XYLT1: variants seen among roughly 807,000 people sequenced by gnomAD.
XYLT1 encodes the protein beta-D-xylosyltransferase 1.
In XYLT1, 36 loss-of-function variants were observed where a neutral mutation model predicts 91.3. The observed-to-expected ratio is 0.39, with a 90% CI of 0.30 to 0.52. XYLT1 has a LOEUF of 0.52. Ranked by LOEUF, XYLT1 falls within the 20% of genes least tolerant of loss-of-function variation. The pLI, the probability that XYLT1 is intolerant of heterozygous loss-of-function variation, is 0.68. For missense variants in XYLT1, 1,242 were observed against 1,284.5 expected, an observed-to-expected ratio of 0.97 and a Z score of 0.51; for synonymous variants, 588 against 532.0, an observed-to-expected ratio of 1.11 and a Z score of -1.45.
chr16:17,334,082 A>G (rs1192963196), intron 2 of XYLT1, among the ~76,000 whole-genome samples: 1 of 152,164 alleles, frequency 6.6e-6, no homozygotes, highest in Non-Finnish European at 1.5e-5. Flanking sequence ...TACAAATAAT[A>G]CAGTGACAAG....
chr16:17,248,022 T>C (rs1161473663), intron 3 of XYLT1, among the ~76,000 whole-genome samples: 1 of 152,182 alleles, frequency 6.6e-6, no homozygotes, highest in African/African-American at 2.4e-5. Flanking sequence ...CCTTTGGGGC[T>C]GATATAGTTT....
At chr16:17,324,814 T>C (rs2034774455) in intron 2 of XYLT1, among the ~76,000 whole-genome samples, 2 of 152,274 alleles carry the variant, frequency 1.3e-5, no homozygotes, top group African/African-American at 4.8e-5. Context: ...CGGAAAGACA[T>C]GCATCAAAGA....
intron 2 of XYLT1, among the ~76,000 whole-genome samples, chr16:17,332,599 CACACA>C (rs1232083216): frequency 5.3e-5 from 8 of 151,528 alleles, no homozygotes; most frequent in African/African-American, 1.9e-4. Context: ...CACACACACA[CACACA>C]CACACACGGC....
At chr16:17,367,003 G>C (rs1306636782) in intron 1 of XYLT1, among the ~76,000 whole-genome samples, 1 of 151,928 alleles carries the variant, frequency 6.6e-6, no homozygotes, top group South Asian at 2.1e-4. Flanking sequence ...CCTCATACTA[G>C]ATGTTCTCAT....
chr16:17,162,017 A>G (rs973261228), intron 5 of XYLT1, among the ~76,000 whole-genome samples: 1 of 152,222 alleles, frequency 6.6e-6, no homozygotes, highest in African/African-American at 2.4e-5. Flanking sequence ...TAATCTCCCA[A>G]GTCCCAGCCA....
At chr16:17,324,883 T>G (rs1461195514) in intron 2 of XYLT1, among the ~76,000 whole-genome samples, 1 of 152,212 alleles carries the variant, frequency 6.6e-6, no homozygotes. Flanking sequence ...AGCTTTGTTA[T>G]AAAATACTCA....
chr16:17,425,074 G>A (rs1345055711), intron 1 of XYLT1, among the ~76,000 whole-genome samples: 1 of 152,126 alleles, frequency 6.6e-6, no homozygotes, highest in Admixed American at 6.5e-5. Context: ...GAAGTTGGAG[G>A]TGGACTCCCT....
chr16:17,343,837 A>G (rs2035101839), intron 2 of XYLT1, among the ~76,000 whole-genome samples: 1 of 152,190 alleles, frequency 6.6e-6, no homozygotes, highest in Admixed American at 6.5e-5. Flanking sequence ...ACCCACAGTG[A>G]AACACTTGGC....
chr16:17,429,436 G>A lies in XYLT1; in HGVS notation c.363+40998C>T, dbSNP rs141661427. ...TGTTGCTCTCACCTCCAAGGATGGC[G>A]AATTCTTAAGTTCTTTTGTTCCAAT... On this transcript the variant is annotated intron_variant, in intron 1 of 11. Transcript: ENST00000261381. Among the ~76,000 whole-genome samples the A allele has an allele frequency of 1.6e-3, 247 of 152,284 alleles. 4 individuals are homozygous for A. The highest frequency in any genetic ancestry group is 0.016 in the Admixed American group (241 of 15,286).
At chr16:17,134,983 A>G (rs1193142411) in intron 8 of XYLT1, among the ~76,000 whole-genome samples, 2 of 152,200 alleles carry the variant, frequency 1.3e-5, no homozygotes, top group Non-Finnish European at 2.9e-5. Flanking sequence ...CTTAGTAAGC[A>G]TCATTTAGAT....
intron 1 of XYLT1, among the ~76,000 whole-genome samples, chr16:17,468,285 G>A (rs563741977): frequency 2.6e-5 from 4 of 151,788 alleles, no homozygotes; most frequent in African/African-American, 9.7e-5. Flanking sequence ...AAGGAGACAA[G>A]CAAATGAAAT....
rs937784923 is a variant in XYLT1 at position 17,235,385 on chromosome 16, T to A, written c.913+23603A>T. On this transcript the variant is annotated intron_variant, in intron 3 of 11. Coordinates refer to ENST00000261381, the MANE Select transcript of XYLT1 (RefSeq NM_022166.4). The stretch of plus-strand genomic sequence containing the variant: ...GTGCTGGGTGAGCTCTTCTCTCCAG[T>A]CCTCCCACCCATCCTGCAAAAGGAC... Among the ~76,000 whole-genome samples, 3 of 147,610 alleles carry A rather than the reference T, an allele frequency of 2.0e-5. No individual in the cohort carries two copies. In the Admixed American group the frequency reaches 2.1e-4, roughly 10 times the overall value.
At chr16:17,347,896 G>A (rs1011045612) in intron 2 of XYLT1, among the ~76,000 whole-genome samples, 5 of 152,158 alleles carry the variant, frequency 3.3e-5, no homozygotes, top group African/African-American at 1.2e-4. Flanking sequence ...TGAAGGGGAG[G>A]GAGTGGTGTT....
chr16:17,437,634 T>G (rs1196859103), intron 1 of XYLT1, among the ~76,000 whole-genome samples: 1 of 152,092 alleles, frequency 6.6e-6, no homozygotes, highest in Non-Finnish European at 1.5e-5. Flanking sequence ...AGCCTACTGT[T>G]CGTGGAGCGG....
chr16:17,108,813 G>A lies in XYLT1; in HGVS notation c.2762C>T (p.Ala921Val). 1 of 1,612,402 alleles carries A rather than the reference G, an allele frequency of 6.2e-7. No homozygotes were observed. Among genetic ancestry groups the A allele is most frequent in the Middle Eastern group, 1.7e-4 (1 of 5,900 alleles). Residue 921 changes from alanine to valine, a missense_variant, in exon 12 of 12, where the codon GCC (alanine) becomes GTC (valine). Coordinates refer to ENST00000261381, the MANE Select transcript of XYLT1 (RefSeq NM_022166.4). ...GACCGGGCAGGCTGTGGGGCCCGTGGCACAGATGTCCATGGCAGTCCACAT... is the reference window on the plus strand; with the variant it reads ...GACCGGGCAGGCTGTGGGGCCCGTGACACAGATGTCCATGGCAGTCCACAT... Reference protein sequence around the residue: ...GGMWTAMDICATGPTACPVMQ... With the variant: ...GGMWTAMDICVTGPTACPVMQ...
At chr16:17,295,816 C>T (rs73529310) in intron 2 of XYLT1, among the ~76,000 whole-genome samples, 2,743 of 152,232 alleles carry the variant, frequency 0.018, 79 homozygotes, top group African/African-American at 0.063. Context: ...CACAGGACGA[C>T]CCTCCACAAC....
chr16:17,244,335 A>G (rs2033399812), intron 3 of XYLT1, among the ~76,000 whole-genome samples: 1 of 152,146 alleles, frequency 6.6e-6, no homozygotes, highest in Non-Finnish European at 1.5e-5. Context: ...CCACGCAAGA[A>G]AATTGCTGGG....
intron 1 of XYLT1, among the ~76,000 whole-genome samples, chr16:17,452,294 TCA>T (rs1021161643): frequency 2.9e-4 from 42 of 146,874 alleles, no homozygotes; most frequent in Middle Eastern, 3.4e-3. Context: ...TGTTTGATTC[TCA>T]GTTTTTTTCT....
intron 2 of XYLT1, among the ~76,000 whole-genome samples, chr16:17,278,331 G>A (rs2034008620): frequency 6.6e-6 from 1 of 152,178 alleles, no homozygotes; most frequent in Admixed American, 6.6e-5. Flanking sequence ...GAGCAAGCCG[G>A]CAGCTGCACC....
Sources: gnomAD v4.1 joint callset for allele counts (sites outside exome capture counted in the v4.1 genomes callset) on GRCh38, gnomAD v4.1.1 for gene constraint, MANE v1.5 for transcripts, NCBI Gene and HGNC (gene_info 2026-07-23, HGNC 2026-07-21) for gene names.